SH3RF1: variants seen among roughly 807,000 people sequenced by gnomAD.
SH3RF1 encodes the protein SH3 domain containing ring finger 1.
SH3RF1 carries 32 observed loss-of-function variants against 74.0 expected under a neutral mutation model. That is an observed-to-expected ratio of 0.43 (90% confidence interval 0.33 to 0.58). The LOEUF is 0.58. Among genes scored for constraint, SH3RF1 ranks in the 20% least tolerant of loss-of-function variants. SH3RF1 has a pLI of 0.05. For missense variants in SH3RF1, 954 were observed against 1,130.9 expected, an observed-to-expected ratio of 0.84 and a Z score of 2.24; for synonymous variants, 396 against 439.6, an observed-to-expected ratio of 0.90 and a Z score of 1.24.
intron 2 of SH3RF1, among the ~76,000 whole-genome samples, chr4:169,198,799 T>C (rs951580562): frequency 6.6e-6 from 1 of 152,114 alleles, no homozygotes; most frequent in Non-Finnish European, 1.5e-5. Context: ...ACAATTAGGC[T>C]GAAAACAGAC....
intron 2 of SH3RF1, among the ~76,000 whole-genome samples, chr4:169,163,921 T>C (rs1412789543): frequency 1.3e-5 from 2 of 152,180 alleles, no homozygotes; most frequent in Non-Finnish European, 2.9e-5. Flanking sequence ...GAATCAGGTG[T>C]AAATAAGGCC....
In SH3RF1 at chr4:169,137,120, T is replaced by C. The variant is rs537162913; in HGVS notation, c.766-500A>G. 1.6e-3 allele frequency among the ~76,000 whole-genome samples: 250 copies of C among 152,334 alleles called. 1 individual carries two copies. The highest frequency in any genetic ancestry group is 5.6e-3 in the African/African-American group (233 of 41,570). ...AATAAAACCATTCAAAATGAACTCA[T>C]GTGCTTCCATGTATATTTACCTCCT... On this transcript the variant is annotated intron_variant, in intron 4 of 11. Coordinates refer to ENST00000284637, the MANE Select transcript of SH3RF1 (RefSeq NM_020870.4).
intron 2 of SH3RF1, among the ~76,000 whole-genome samples, chr4:169,204,672 C>T (rs547156127): frequency 6.6e-6 from 1 of 151,776 alleles, no homozygotes; most frequent in Admixed American, 6.6e-5. Context: ...TACCTCAGCC[C>T]CCTGAGTAGC....
chr4:169,120,280 T>C (rs1011610404), intron 8 of SH3RF1, among the ~76,000 whole-genome samples: 1 of 152,228 alleles, frequency 6.6e-6, no homozygotes, highest in African/African-American at 2.4e-5. Context: ...AATTCAGAGG[T>C]AATTACCAAG....
rs911898443 is a variant in SH3RF1, at chr4:169,096,790, A to G, written c.2499-103T>C. The G allele has an allele frequency of 4.6e-6, 5 of 1,075,286 alleles. No homozygotes were observed. In the African/African-American group the frequency reaches 7.8e-5, roughly 17 times the overall value. 66.6% of individuals were successfully genotyped at this position (1,075,286 alleles called of 1,614,324 possible). ...ACCTTCAACATAAATAGGAAATAAC[A>G]TTAATTCATTTATGATTGTAAAACA... On this transcript the variant is annotated intron_variant, in intron 11 of 11. Coordinates refer to ENST00000284637, the MANE Select transcript of SH3RF1 (RefSeq NM_020870.4).
chr4:169,152,079 T>TA (rs1561038031), intron 4 of SH3RF1, among the ~76,000 whole-genome samples: 2 of 152,156 alleles, frequency 1.3e-5, no homozygotes, highest in African/African-American at 4.8e-5. Flanking sequence ...ATTCAGTCCT[T>TA]AAAAAATATA....
chr4:169,220,338 C>T (rs1186409782), intron 2 of SH3RF1: 3 of 152,240 alleles, frequency 2.0e-5, no homozygotes, highest in Non-Finnish European at 4.4e-5. Context: ...GAATAAATTT[C>T]ATTTTAAATA....
At position 169,116,483 on chromosome 4, in the gene SH3RF1, G is replaced by C; in HGVS notation, c.1925C>G (p.Thr642Arg). The C allele has an allele frequency of 6.2e-7, 1 of 1,613,800 alleles. No homozygotes were observed. The highest frequency in any genetic ancestry group is 1.3e-5 in the African/African-American group (1 of 75,044). Reference protein sequence around the residue: ...QPAPLMPGSATHTAAISISRA... With the variant: ...QPAPLMPGSARHTAAISISRA... ...ACTGATACTGATGGCAGCAGTGTGC[G>C]TGGCTGAGCCTGGCATCAGAGGCGC... is the stretch of plus-strand genomic sequence containing the variant. The change falls in exon 10 of 12, where the codon ACG becomes AGG. Residue 642 changes from threonine (T) to arginine (R), a missense_variant. By Grantham distance (71) the Thr-to-Arg change is moderately conservative. This residue lies in a region of SH3RF1 where 854 missense variants were observed against 962.5 expected (regional missense o/e 0.89). Coordinates refer to ENST00000284637, the MANE Select transcript of SH3RF1 (RefSeq NM_020870.4).
chr4:169,197,599 G>A (rs1413652303), intron 2 of SH3RF1, among the ~76,000 whole-genome samples: 2 of 127,144 alleles, frequency 1.6e-5, no homozygotes, highest in African/African-American at 5.6e-5. Flanking sequence ...ACTCCAGCCT[G>A]GGCGACAAAA....
chr4:169,224,321 A>ATTT (rs11459151), intron 2 of SH3RF1, among the ~76,000 whole-genome samples: 4 of 146,390 alleles, frequency 2.7e-5, no homozygotes, highest in East Asian at 2.0e-4. Flanking sequence ...CTAATTTCCT[A>ATTT]TTTTTTTTTT....
At chr4:169,131,197 A>T (rs1213203031) in intron 5 of SH3RF1, among the ~76,000 whole-genome samples, 1 of 152,212 alleles carries the variant, frequency 6.6e-6, no homozygotes, top group Non-Finnish European at 1.5e-5. Flanking sequence ...AATCAGCATC[A>T]TGGCATGTAA....
chr4:169,135,966 G>A (rs1424036384), intron 5 of SH3RF1, among the ~76,000 whole-genome samples: 2 of 152,178 alleles, frequency 1.3e-5, no homozygotes, highest in Non-Finnish European at 2.9e-5. Context: ...TTAAATCTGG[G>A]TGGAGATAAA....
chr4:169,267,843 A>C (rs1429323706), intron 2 of SH3RF1, among the ~76,000 whole-genome samples: 3 of 152,176 alleles, frequency 2.0e-5, no homozygotes, highest in Non-Finnish European at 4.4e-5. Context: ...ATTTGAAAAA[A>C]ATATTCTCAT....
intron 4 of SH3RF1, among the ~76,000 whole-genome samples, chr4:169,144,712 G>A (rs1411042545): frequency 2.0e-5 from 3 of 152,098 alleles, no homozygotes; most frequent in African/African-American, 7.2e-5. Context: ...TGGTCAACTG[G>A]GGACTGTCTG....
chr4:169,203,038 G>A (rs962024073), intron 2 of SH3RF1, among the ~76,000 whole-genome samples: 4 of 152,166 alleles, frequency 2.6e-5, no homozygotes, highest in African/African-American at 9.7e-5. Flanking sequence ...GCATGGAAGG[G>A]CTCTGAGAAG....
intron 2 of SH3RF1, among the ~76,000 whole-genome samples, chr4:169,261,779 C>T (rs1408991122): frequency 2.6e-5 from 4 of 152,108 alleles, no homozygotes; most frequent in Non-Finnish European, 5.9e-5. Context: ...AACCTTGTGA[C>T]AGTGGTTACC....
chr4:169,204,012 G>A (rs762503042), intron 2 of SH3RF1: 5 of 152,238 alleles, frequency 3.3e-5, no homozygotes, highest in African/African-American at 4.8e-5. Flanking sequence ...TTGGCACATC[G>A]AAGGCATTCA....
chr4:169,158,509 C>T (rs570767713), intron 2 of SH3RF1, among the ~76,000 whole-genome samples: 21 of 152,272 alleles, frequency 1.4e-4, no homozygotes, highest in African/African-American at 3.6e-4. Context: ...TTTATTGCTG[C>T]GTTCTTCTGG....
intron 10 of SH3RF1, among the ~76,000 whole-genome samples, chr4:169,113,149 T>G (rs537306071): frequency 6.6e-6 from 1 of 152,224 alleles, no homozygotes; most frequent in South Asian, 2.1e-4. Context: ...CTCACTCTGT[T>G]GCCCAGGCTG....
Sources: gnomAD v4.1 joint callset for allele counts (sites outside exome capture counted in the v4.1 genomes callset) on GRCh38, gnomAD v4.1.1 for gene constraint, gnomAD v4.1.1 regional missense constraint, MANE v1.5 for transcripts, NCBI Gene and HGNC (gene_info 2026-07-23, HGNC 2026-07-21) for gene names.